The following FBXW4 variants were observed in gnomAD, a reference collection of about 807,000 sequenced individuals.
FBXW4 encodes the protein F-box/WD repeat-containing protein 4.
A neutral mutation model predicts 61.8 loss-of-function variants in FBXW4; 40 were observed. The observed-to-expected ratio is 0.65, with a 90% CI of 0.50 to 0.84. The LOEUF (loss-of-function observed/expected upper bound fraction) is 0.84. FBXW4 is among the 40% of genes least tolerant of loss of function. The pLI is 0.00. For missense variants in FBXW4, 672 were observed against 753.8 expected, an observed-to-expected ratio of 0.89 and a Z score of 1.27; for synonymous variants, 311 against 313.8, an observed-to-expected ratio of 0.99 and a Z score of 0.10.
At chr10:101,620,562 C>T (rs1020426251) in intron 6 of FBXW4, among the ~76,000 whole-genome samples, 3 of 152,262 alleles carry the variant, frequency 2.0e-5, no homozygotes, top group Admixed American at 1.3e-4. Context: ...GCAGAGCCCA[C>T]AGGCTGGCCA....
intron 1 of FBXW4, among the ~76,000 whole-genome samples, chr10:101,691,648 A>G (rs144090968): frequency 3.0e-4 from 46 of 152,314 alleles, no homozygotes; most frequent in African/African-American, 1.1e-3. Context: ...ATAAACATCA[A>G]TTCTTTCATT....
intron 6 of FBXW4, among the ~76,000 whole-genome samples, chr10:101,619,658 C>CAA (rs540597313): frequency 3.5e-5 from 4 of 113,748 alleles, no homozygotes; most frequent in Non-Finnish European, 5.6e-5. Context: ...GACTCTGTCT[C>CAA]AAAAAAAAAA....
intron 5 of FBXW4, among the ~76,000 whole-genome samples, chr10:101,651,095 G>T (rs571650134): frequency 6.6e-6 from 1 of 152,044 alleles, no homozygotes; most frequent in Non-Finnish European, 1.5e-5. Context: ...ACATTCCTTC[G>T]AGAAACAGGA....
chr10:101,653,579 A>G (rs2064161402), intron 5 of FBXW4, among the ~76,000 whole-genome samples: 1 of 152,192 alleles, frequency 6.6e-6, no homozygotes, highest in Non-Finnish European at 1.5e-5. Context: ...GTCCCACTTC[A>G]ACTTCCATGT....
At chr10:101,612,823 G>GCACACA (rs149791990) in intron 6 of FBXW4, among the ~76,000 whole-genome samples, 3 of 150,638 alleles carry the variant, frequency 2.0e-5, no homozygotes, top group Admixed American at 6.6e-5. Flanking sequence ...ACATGCACAT[G>GCACACA]CACACACACA....
intron 5 of FBXW4, among the ~76,000 whole-genome samples, chr10:101,656,018 A>G (rs770085668): frequency 5.3e-5 from 8 of 152,184 alleles, no homozygotes; most frequent in Non-Finnish European, 1.0e-4. Context: ...TTTACCTCAC[A>G]CATCTCAGCT....
intron 1 of FBXW4, among the ~76,000 whole-genome samples, chr10:101,680,929 G>A (rs897773661): frequency 6.6e-6 from 1 of 152,208 alleles, no homozygotes; most frequent in African/African-American, 2.4e-5. Context: ...CTGTGGAGGA[G>A]AATAGTATAC....
At chr10:101,680,390 A>G (rs2064462760) in intron 1 of FBXW4, among the ~76,000 whole-genome samples, 1 of 152,180 alleles carries the variant, frequency 6.6e-6, no homozygotes, top group Admixed American at 6.5e-5. Context: ...ATGCTACAGG[A>G]AGGGAAAAAA....
intron 1 of FBXW4, among the ~76,000 whole-genome samples, chr10:101,688,356 G>A (rs914806891): frequency 6.6e-6 from 1 of 152,204 alleles, no homozygotes; most frequent in African/African-American, 2.4e-5. Flanking sequence ...AGAAGAGGAA[G>A]AAGAAAGAAT....
At chr10:101,645,897 G>A (rs889818724) in intron 5 of FBXW4, among the ~76,000 whole-genome samples, 1 of 152,190 alleles carries the variant, frequency 6.6e-6, no homozygotes, top group South Asian at 2.1e-4. Flanking sequence ...GGCTGTGTTG[G>A]CTATGAGAGA....
rs1006587631 is a variant in FBXW4 at position 101,676,391 on chromosome 10, G to A, written c.771C>T (p.Asn257=). The change falls in exon 2 of 9, where the codon AAC becomes AAT. Residue 257 remains asparagine (N), a synonymous_variant. Transcript: ENST00000331272. The stretch of plus-strand genomic sequence containing the variant: ...CCTCTCGGCAGCGCCCCAGTCTCCA[G>A]TTCTGAGACACCTTCACTCGTTCCT... ...PVKERVKVSQ[N]WRLGRCREGI... The A allele has an allele frequency of 4.3e-6, 7 of 1,613,648 alleles. No individual in the cohort carries two copies. The African/African-American group carries it at 9.3e-5, about 22-fold the overall frequency.
rs1182216237 is a variant in FBXW4 at position 101,647,915 on chromosome 10, G to GCTAT, written c.1235+19967_1235+19970dup. Among the ~76,000 whole-genome samples, 4 of 152,196 alleles carry GCTAT rather than the reference G, an allele frequency of 2.6e-5. No homozygotes were observed. In the East Asian group the frequency reaches 7.7e-4, roughly 29 times the overall value. On this transcript the variant is annotated intron_variant, in intron 5 of 8. Transcript: ENST00000331272. ...CTTCCCATCCCACCCCCAATATTCT[G>GCTAT]CTATCCCTCTGTGGAAAAGCCAAAG...
At chr10:101,665,733 G>C (rs549935168) in intron 5 of FBXW4, among the ~76,000 whole-genome samples, 1 of 152,200 alleles carries the variant, frequency 6.6e-6, no homozygotes, top group Non-Finnish European at 1.5e-5. Context: ...GGCAGACTCT[G>C]TCCTCAACCT....
chr10:101,621,281 C>T, intron 6 of FBXW4, among the ~76,000 whole-genome samples: 1 of 152,362 alleles, frequency 6.6e-6, no homozygotes, highest in East Asian at 1.9e-4. Flanking sequence ...AATCCCACAA[C>T]TTTGGGAGGC....
At chr10:101,637,854 G>A (rs2064018003) in intron 5 of FBXW4, among the ~76,000 whole-genome samples, 1 of 152,094 alleles carries the variant, frequency 6.6e-6, no homozygotes, top group Non-Finnish European at 1.5e-5. Flanking sequence ...CCCCAGCCGT[G>A]TGGTCTGCAA....
In FBXW4 at chr10:101,692,526, T is replaced by G. The variant is rs369143598; in HGVS notation, c.725+1855A>C. 1.9e-4 allele frequency among the ~76,000 whole-genome samples: 29 copies of G among 151,624 alleles called. No homozygotes were observed. The East Asian group carries it at 4.7e-3, about 24-fold the overall frequency. On this transcript the variant is annotated intron_variant, in intron 1 of 8. Coordinates refer to ENST00000331272, the MANE Select transcript of FBXW4 (RefSeq NM_022039.4). Reference sequence around the variant, plus strand: ...ATCCCAGCACTTTGGGAGGCCGAGGTGGGCAGATAACCTGAGGTCGGCAGT... The same window carrying G: ...ATCCCAGCACTTTGGGAGGCCGAGGGGGGCAGATAACCTGAGGTCGGCAGT...
rs531293689 is a variant in FBXW4 at position 101,689,089 on chromosome 10, C to T, written c.725+5292G>A. Among the ~76,000 whole-genome samples the T allele has an allele frequency of 6.6e-5, 10 of 151,174 alleles. No individual in the cohort carries two copies. In the South Asian group the frequency reaches 2.1e-3, roughly 32 times the overall value. On this transcript the variant is annotated intron_variant, in intron 1 of 8. Transcript: ENST00000331272. ...TGACCTCACTGTCAGTTGGGGATTTCAGCAGCTCAAGCACAATCTTTACCT... is the reference window on the plus strand; with the variant it reads ...TGACCTCACTGTCAGTTGGGGATTTTAGCAGCTCAAGCACAATCTTTACCT...
rs2134894845 is a variant in FBXW4 at position 101,673,477 on chromosome 10, A to G, written c.1007+11T>C. On this transcript the variant is annotated intron_variant, in intron 3 of 8. Transcript: ENST00000331272. ...TGGAAAAGGGTGGAAGGAGAAACCT[A>G]TAGCACTTACCCTCCTGCACTAACA... 1 of 1,613,882 alleles carries G rather than the reference A, an allele frequency of 6.2e-7. No individual in the cohort carries two copies.
At chr10:101,621,572 G>T (rs2063867161) in intron 6 of FBXW4, among the ~76,000 whole-genome samples, 1 of 152,102 alleles carries the variant, frequency 6.6e-6, no homozygotes, top group Admixed American at 6.5e-5. Context: ...TACTAGTTTG[G>T]GTGGGAAGGA....
Sources: allele counts gnomAD v4.1 joint callset (sites outside exome capture counted in the v4.1 genomes callset), GRCh38; gene constraint gnomAD v4.1.1; transcripts MANE v1.5; gene names NCBI Gene and HGNC (gene_info 2026-07-23, HGNC 2026-07-21).